Variants in GALNTL5 observed in about 807,000 individuals in gnomAD.
GALNTL5 encodes inactive polypeptide N-acetylgalactosaminyltransferase-like protein 5.
In GALNTL5, 44 loss-of-function variants were observed where a neutral mutation model predicts 51.0. The observed-to-expected ratio is 0.86, with a 90% confidence interval of 0.68 to 1.11. The LOEUF (loss-of-function observed/expected upper bound fraction) is 1.11. GALNTL5 is among the 50% of genes least tolerant of loss of function. The pLI is 0.00. For missense variants in GALNTL5, 528 were observed against 531.8 expected, an observed-to-expected ratio of 0.99 and a Z score of 0.07; for synonymous variants, 192 against 182.8, an observed-to-expected ratio of 1.05 and a Z score of -0.41.
Position 151,990,580 on chromosome 7 carries a change from C to CAAAAAAAAA in GALNTL5, c.658+3303_658+3311dup, listed in dbSNP as rs575658831. Among the ~76,000 whole-genome samples the CAAAAAAAAA allele has an allele frequency of 1.8e-4, 4 of 21,670 alleles. 1 individual carries two copies. The East Asian group carries it at 6.3e-3, about 34-fold the overall frequency. The allele number at this position is 21,670 out of a possible 152,430, so 14.2% of individuals were successfully genotyped here. On this transcript the variant is annotated intron_variant, in intron 5 of 8. Transcript: ENST00000392800. ...TGGGCGACAGAGCGAGACTCCATCT[C>CAAAAAAAAA]AAAAAAAAAAAAGCCCACTTTCTCT...
chr7:151,995,951 C>G (rs2081494150), intron 5 of GALNTL5, among the ~76,000 whole-genome samples: 1 of 152,156 alleles, frequency 6.6e-6, no homozygotes, highest in Non-Finnish European at 1.5e-5. Flanking sequence ...CCCAGGAATT[C>G]TGATGCCATC....
chr7:151,988,571 A>AT (rs2081389821), intron 5 of GALNTL5, among the ~76,000 whole-genome samples: 1 of 152,204 alleles, frequency 6.6e-6, no homozygotes, highest in Admixed American at 6.5e-5. Context: ...TGCAAAGATA[A>AT]TACATGTTCA....
chr7:151,962,783 A>G (rs949995480), intron 1 of GALNTL5, among the ~76,000 whole-genome samples: 2 of 151,670 alleles, frequency 1.3e-5, no homozygotes, highest in African/African-American at 4.8e-5. Context: ...TAATTTTTCT[A>G]TTTTTAGTAG....
intron 3 of GALNTL5, among the ~76,000 whole-genome samples, chr7:151,979,594 G>A (rs1209813752): frequency 6.6e-6 from 1 of 151,652 alleles, no homozygotes; most frequent in Admixed American, 6.6e-5. Flanking sequence ...CAAGTGGCTG[G>A]GATTACAGGC....
At chr7:152,006,068 G>A (rs1225312415) in intron 6 of GALNTL5, among the ~76,000 whole-genome samples, 3 of 152,142 alleles carry the variant, frequency 2.0e-5, no homozygotes, top group Non-Finnish European at 2.9e-5. Context: ...AGAGGAACTG[G>A]CAAAGGAGAT....
chr7:151,965,461 A>T (rs1325158802), intron 1 of GALNTL5, among the ~76,000 whole-genome samples: 1 of 152,216 alleles, frequency 6.6e-6, no homozygotes, highest in Non-Finnish European at 1.5e-5. Flanking sequence ...AATAAATTAC[A>T]ATTTCAAACA....
intron 1 of GALNTL5, among the ~76,000 whole-genome samples, chr7:151,961,523 T>C (rs564166165): frequency 6.6e-6 from 1 of 152,150 alleles, no homozygotes; most frequent in African/African-American, 2.4e-5. Context: ...AACAAAACTG[T>C]AGAAGCCAAA....
At chr7:152,009,297 C>T (rs2081697643) in intron 7 of GALNTL5, among the ~76,000 whole-genome samples, 1 of 152,208 alleles carries the variant, frequency 6.6e-6, no homozygotes, top group East Asian at 1.9e-4. Flanking sequence ...CTCAGCTTTC[C>T]GTGACATCGT....
At chr7:151,966,750 T>C (rs960403556) in intron 1 of GALNTL5, among the ~76,000 whole-genome samples, 2 of 152,216 alleles carry the variant, frequency 1.3e-5, no homozygotes, top group African/African-American at 2.4e-5. Context: ...GCCAAAACGA[T>C]TGTGCCATTG....
At chr7:151,974,084 A>T (rs2081179840) in intron 3 of GALNTL5, among the ~76,000 whole-genome samples, 1 of 152,152 alleles carries the variant, frequency 6.6e-6, no homozygotes. Flanking sequence ...ACTGTGGTCA[A>T]TTAAACCTCT....
chr7:152,002,489 C>T (rs1482971595), intron 5 of GALNTL5, among the ~76,000 whole-genome samples: 1 of 152,198 alleles, frequency 6.6e-6, no homozygotes, highest in African/African-American at 2.4e-5. Context: ...AAACCACTCT[C>T]TAACCCACAA....
At chr7:152,018,780 T>C (rs550544784) in intron 8 of GALNTL5, among the ~76,000 whole-genome samples, 1 of 152,258 alleles carries the variant, frequency 6.6e-6, no homozygotes, top group African/African-American at 2.4e-5. Context: ...CAGAATGCGA[T>C]GGCAAAGACC....
At chr7:152,011,393 G>A (rs111258845) in intron 7 of GALNTL5, among the ~76,000 whole-genome samples, 2,512 of 152,312 alleles carry the variant, frequency 0.016, 64 homozygotes, top group African/African-American at 0.054. Context: ...AATTTTCCTG[G>A]CAAAACAGAG....
chr7:151,979,898 A>C (rs549830814), intron 3 of GALNTL5, among the ~76,000 whole-genome samples: 4 of 152,182 alleles, frequency 2.6e-5, no homozygotes, highest in Admixed American at 1.3e-4. Flanking sequence ...GAAGGGACGC[A>C]GTTTATTTCC....
chr7:151,959,684 T>C (rs2080968684), intron 1 of GALNTL5, among the ~76,000 whole-genome samples: 1 of 152,196 alleles, frequency 6.6e-6, no homozygotes, highest in South Asian at 2.1e-4. Context: ...CTGCAGCTCC[T>C]TTGGGAACAC....
At chr7:152,005,185 C>T (rs552187202) in intron 6 of GALNTL5, among the ~76,000 whole-genome samples, 10 of 151,542 alleles carry the variant, frequency 6.6e-5, no homozygotes, top group South Asian at 4.2e-4. Context: ...GTTCTAATGA[C>T]GACCAAAAAA....
chr7:151,977,701 A>G (rs1337309384), intron 3 of GALNTL5, among the ~76,000 whole-genome samples: 2 of 152,182 alleles, frequency 1.3e-5, no homozygotes, highest in African/African-American at 4.8e-5. Context: ...GGTAATTATG[A>G]ATCACCAGTG....
Position 151,987,293 on chromosome 7 carries a change from C to T in GALNTL5, c.658+12C>T, listed in dbSNP as rs2081370675. On this transcript the variant is annotated intron_variant, in intron 5 of 8. Transcript: ENST00000392800. ...TTCTCATGCTTCAGGTAGGAACATT[C>T]CTGGGGACAAGAGCCAGTGACGGCG... is the stretch of plus-strand genomic sequence containing the variant. The T allele has an allele frequency of 1.3e-6, 2 of 1,555,762 alleles. No individual in the cohort carries two copies. The highest frequency in any genetic ancestry group is 4.7e-5 in the East Asian group (2 of 42,450).
chr7:151,970,012 G>A (rs1168766437), intron 2 of GALNTL5, among the ~76,000 whole-genome samples: 3 of 151,312 alleles, frequency 2.0e-5, no homozygotes, highest in Non-Finnish European at 2.9e-5. Flanking sequence ...GGGTTTCACC[G>A]TGTTAGCCAG....
Sources: allele counts gnomAD v4.1 joint callset (sites outside exome capture counted in the v4.1 genomes callset), GRCh38; gene constraint gnomAD v4.1.1; transcripts MANE v1.5; gene names NCBI Gene and HGNC (gene_info 2026-07-23, HGNC 2026-07-21).